The following EFCAB5 variants were observed in gnomAD, a reference collection of about 807,000 sequenced individuals.
The protein encoded by EFCAB5 is EF-hand calcium-binding domain-containing protein 5.
Under a neutral mutation model 167.9 loss-of-function variants are expected in EFCAB5, and 131 were observed. The observed-to-expected ratio is 0.78, with a 90% CI of 0.68 to 0.90. EFCAB5 has a LOEUF of 0.90. EFCAB5 is among the 40% of genes least tolerant of loss of function. The pLI is 0.00. For synonymous variants in EFCAB5, 574 were observed against 602.8 expected, an observed-to-expected ratio of 0.95 and a Z score of 0.70; for missense variants, 1,663 against 1,745.2, an observed-to-expected ratio of 0.95 and a Z score of 0.84.
chr17:30,054,055 AG>A lies in EFCAB5; in HGVS notation c.2103del (p.Arg701SerfsTer13). On this transcript the variant is annotated frameshift_variant, in exon 10 of 23. Transcript: ENST00000394835. LOFTEE classifies it high-confidence loss of function. ...EYIEVPLQEK[R>X]SWEQTYEEEI... ...CATTGAAGTCCCTCTACAGGAAAAG[AG>A]GTCTTGGGAACAAACATATGAAGAG... 6.2e-7 allele frequency: 1 copy of A among 1,600,280 alleles called. No homozygotes were observed. The highest frequency in any genetic ancestry group is 8.5e-7 in the Non-Finnish European group (1 of 1,172,616).
At chr17:30,067,833 C>A (rs2151812551) in intron 14 of EFCAB5, among the ~76,000 whole-genome samples, 1 of 152,210 alleles carries the variant, frequency 6.6e-6, no homozygotes, top group South Asian at 2.1e-4. Flanking sequence ...ATGTCTTAGC[C>A]AGAGCAGTTA....
Position 29,968,786 on chromosome 17 carries a change from C to T in EFCAB5, c.191-5C>T. The T allele has an allele frequency of 1.4e-6, 2 of 1,458,584 alleles. No individual in the cohort carries two copies. The highest frequency in any genetic ancestry group is 1.5e-5 in the South Asian group (1 of 68,078). The allele number at this position is 1,458,584 out of a possible 1,614,324, so 90.4% of individuals were successfully genotyped here. A position where few individuals can be genotyped will look rare whatever the true frequency, so the allele number is the denominator to read the frequency against. On this transcript the variant is annotated splice_polypyrimidine_tract_variant and splice_region_variant and intron_variant, in intron 3 of 22. Transcript: ENST00000394835. ...TTCTTACATTTCACTTTTTTTTCCCCTCAGAATTAAACCTGGAGGGGCAGC... is the reference window on the plus strand; with the variant it reads ...TTCTTACATTTCACTTTTTTTTCCCTTCAGAATTAAACCTGGAGGGGCAGC...
rs574831941 is a variant in EFCAB5, at chr17:30,022,675, C to A, written c.1045-11555C>A. Among the ~76,000 whole-genome samples, 6 of 152,208 alleles carry A rather than the reference C, an allele frequency of 3.9e-5. No homozygotes were observed. The South Asian group carries it at 1.2e-3, about 32-fold the overall frequency. On this transcript the variant is annotated intron_variant, in intron 7 of 22. Transcript: ENST00000394835. ...GAACAATGTTTTCAAAATTCATATA[C>A]TGACGGAAACAATTTAAAAGGTAGA...
intron 8 of EFCAB5, among the ~76,000 whole-genome samples, chr17:30,046,994 G>T (rs1186464142): frequency 6.6e-6 from 1 of 152,146 alleles, no homozygotes; most frequent in Admixed American, 6.5e-5. Flanking sequence ...ATATGTGTGG[G>T]AATTGATTAT....
intron 4 of EFCAB5, among the ~76,000 whole-genome samples, chr17:29,984,925 T>C (rs1239787556): frequency 6.6e-6 from 1 of 152,170 alleles, no homozygotes; most frequent in Non-Finnish European, 1.5e-5. Flanking sequence ...CTTTGGTTCA[T>C]CAGATGTATC....
In EFCAB5 at chr17:30,053,742, A is replaced by G; in HGVS notation, c.1788A>G (p.Gln596=). 2 of 1,614,002 alleles carry G rather than the reference A, an allele frequency of 1.2e-6. No individual in the cohort carries two copies. The highest frequency in any genetic ancestry group is 1.7e-6 in the Non-Finnish European group (2 of 1,179,884). ...QGPRRVSVSE[Q]GSSRESVAEQ... is the part of the protein sequence containing the mutation. ...CACGCAGAGTGTCAGTTTCAGAACA[A>G]GGATCAAGCAGAGAGTCAGTTGCAG... is the stretch of plus-strand genomic sequence containing the variant. The change falls in exon 10 of 23, where the codon CAA becomes CAG. Residue 596 remains glutamine (Q), a synonymous_variant. Transcript: ENST00000394835.
intron 7 of EFCAB5, among the ~76,000 whole-genome samples, chr17:30,025,057 G>A (rs1028412162): frequency 4.6e-5 from 7 of 152,078 alleles, no homozygotes; most frequent in Middle Eastern, 3.4e-3. Context: ...AGACTTAAAC[G>A]TTAGACCTAA....
At chr17:30,062,950 C>A (rs191202982) in intron 14 of EFCAB5, among the ~76,000 whole-genome samples, 148 of 152,288 alleles carry the variant, frequency 9.7e-4, no homozygotes, top group African/African-American at 3.4e-3. Flanking sequence ...AACAGTCACA[C>A]CCCCAGCCCT....
At chr17:29,970,223 T>C (rs1364575162) in intron 4 of EFCAB5, among the ~76,000 whole-genome samples, 1 of 152,190 alleles carries the variant, frequency 6.6e-6, no homozygotes, top group African/African-American at 2.4e-5. Context: ...GATTGAGCCT[T>C]TATTAATAAA....
At chr17:30,068,505 A>G (rs1166124515) in intron 14 of EFCAB5, 2 of 560,264 alleles carry the variant, frequency 3.6e-6, no homozygotes, top group Non-Finnish European at 6.1e-6. Context: ...AGGACACCAA[A>G]AAATGGAAAG....
In EFCAB5 at chr17:29,997,243, T is replaced by TA. The variant is rs1180178203; in HGVS notation, c.973+898dup. Among the ~76,000 whole-genome samples the TA allele has an allele frequency of 7.8e-3, 1,025 of 130,724 alleles. 5 individuals are homozygous for TA. The highest frequency in any genetic ancestry group is 0.025 in the African/African-American group (879 of 35,298). The allele number at this position is 130,724 out of a possible 152,430, so 85.8% of individuals were successfully genotyped here. A position where few individuals can be genotyped will look rare whatever the true frequency, so the allele number is the denominator to read the frequency against. ...CTGGGTGACAGAGTGAGACTCCTTCTAAAAAAAAAAAAAAAGAAAGAAAGA... is the reference window on the plus strand; with the variant it reads ...CTGGGTGACAGAGTGAGACTCCTTCTAAAAAAAAAAAAAAAAGAAAGAAAGA... On this transcript the variant is annotated intron_variant, in intron 6 of 22. Transcript: ENST00000394835.
intron 22 of EFCAB5, among the ~76,000 whole-genome samples, chr17:30,093,187 A>T (rs1471315288): frequency 6.6e-6 from 1 of 152,258 alleles, no homozygotes; most frequent in African/African-American, 2.4e-5. Flanking sequence ...ATTTATTTTT[A>T]AAAATGCAAA....
At chr17:30,078,164 C>T (rs1450729580) in intron 14 of EFCAB5, 51 bp from the exon 15 acceptor site, 7 of 1,536,496 alleles carry the variant, frequency 4.6e-6, no homozygotes, top group African/African-American at 1.4e-5. Flanking sequence ...ATCCCCCCCA[C>T]CAATGAGTGA....
intron 7 of EFCAB5, among the ~76,000 whole-genome samples, chr17:30,011,751 A>C (rs1281324271): frequency 6.6e-6 from 1 of 152,200 alleles, no homozygotes. Flanking sequence ...GTCATCTGCA[A>C]ACAGGGACTA....
chr17:30,059,384 A>G, intron 13 of EFCAB5, 161 bp from the exon 14 acceptor site: 1 of 635,374 alleles, frequency 1.6e-6, no homozygotes, highest in Non-Finnish European at 2.4e-6. Flanking sequence ...ACAGGGATGC[A>G]CCACTGCTGA....
intron 4 of EFCAB5, among the ~76,000 whole-genome samples, chr17:29,988,746 A>G (rs1208650048): frequency 6.6e-6 from 1 of 152,180 alleles, no homozygotes; most frequent in Non-Finnish European, 1.5e-5. Flanking sequence ...TAATTTAACT[A>G]TCTGAGTTCT....
At chr17:30,011,496 G>T (rs896645001) in intron 7 of EFCAB5, among the ~76,000 whole-genome samples, 3 of 151,990 alleles carry the variant, frequency 2.0e-5, no homozygotes, top group Non-Finnish European at 4.4e-5. Context: ...AGTGGTTTGT[G>T]GTTCTCCTTG....
intron 14 of EFCAB5, among the ~76,000 whole-genome samples, chr17:30,060,219 A>G (rs1416195895): frequency 6.9e-6 from 1 of 144,004 alleles, no homozygotes; most frequent in Admixed American, 7.1e-5. Context: ...ATAATAACAA[A>G]AAAAATAAAA....
At chr17:30,088,419 T>A (rs1428250548) in intron 19 of EFCAB5, among the ~76,000 whole-genome samples, 1 of 152,226 alleles carries the variant, frequency 6.6e-6, no homozygotes, top group Non-Finnish European at 1.5e-5. Context: ...TTATTTTCCA[T>A]GAATTTCCTT....
Sources: allele counts gnomAD v4.1 joint callset (sites outside exome capture counted in the v4.1 genomes callset), GRCh38; gene constraint gnomAD v4.1.1; transcripts MANE v1.5; gene names NCBI Gene and HGNC (gene_info 2026-07-23, HGNC 2026-07-21).